The following CENPE variants were observed in gnomAD, a reference collection of about 807,000 sequenced individuals.
The protein encoded by CENPE is centromere-associated protein E.
Under a neutral mutation model 336.1 loss-of-function variants are expected in CENPE, and 145 were observed. That is an observed-to-expected ratio of 0.43 (90% confidence interval 0.38 to 0.50). The LOEUF (loss-of-function observed/expected upper bound fraction) is 0.50. Among genes scored for constraint, CENPE ranks in the 20% least tolerant of loss-of-function variants. CENPE has a pLI of 0.00. For missense variants in CENPE, 2,719 were observed against 3,023.3 expected (o/e 0.90, Z 2.36); for synonymous variants, 1,013 against 984.8 (o/e 1.03, Z -0.54).
intron 16 of CENPE, among the ~76,000 whole-genome samples, chr4:103,164,962 G>C (rs950931769): frequency 2.6e-5 from 4 of 152,052 alleles, no homozygotes; most frequent in Non-Finnish European, 5.9e-5. Context: ...GGTGCATTCA[G>C]GGTAGTATGG....
intron 26 of CENPE, among the ~76,000 whole-genome samples, chr4:103,150,864 A>C (rs1753481729): frequency 6.6e-6 from 1 of 152,214 alleles, no homozygotes; most frequent in Non-Finnish European, 1.5e-5. Flanking sequence ...AAAATGACTA[A>C]TGCATCTCTG....
rs1020567312 is a variant in CENPE at position 103,193,603 on chromosome 4, T to A, written c.693+626A>T. Among the ~76,000 whole-genome samples the A allele has an allele frequency of 4.6e-5, 7 of 152,032 alleles. No individual in the cohort carries two copies. The South Asian group carries it at 1.2e-3, about 27-fold the overall frequency. On this transcript the variant is annotated intron_variant, in intron 8 of 48. Coordinates refer to ENST00000265148, the MANE Select transcript of CENPE (RefSeq NM_001813.3). ...AGTGTGGAAAGAAGGAAGTGAAGGT[T>A]TACTAATGTGGAATATAGGAATGTT...
At chr4:103,119,672 G>T (rs1039920471) in intron 44 of CENPE, among the ~76,000 whole-genome samples, 3 of 152,136 alleles carry the variant, frequency 2.0e-5, no homozygotes, top group African/African-American at 7.2e-5. Flanking sequence ...AGAGGGAGCT[G>T]TAAGTAGTGA....
intron 38 of CENPE, among the ~76,000 whole-genome samples, chr4:103,139,160 GTA>G (rs1752326154): frequency 9.2e-6 from 1 of 108,746 alleles, no homozygotes; most frequent in Non-Finnish European, 2.3e-5. Flanking sequence ...GTTCACTACA[GTA>G]CCTAGAAGAA....
chr4:103,169,384 C>A (rs1755205075), intron 16 of CENPE, among the ~76,000 whole-genome samples: 1 of 151,818 alleles, frequency 6.6e-6, no homozygotes, highest in East Asian at 1.9e-4. Context: ...CAGAAAATTC[C>A]CAAACCTGAA....
chr4:103,109,562 G>A (rs762634708), intron 47 of CENPE, among the ~76,000 whole-genome samples: 3 of 152,022 alleles, frequency 2.0e-5, no homozygotes, highest in African/African-American at 4.8e-5. Context: ...CAGTTCCTCC[G>A]GAGAGAAACC....
At chr4:103,120,017 T>C (rs1750471555) in intron 44 of CENPE, 131 bp downstream of exon 44, 1 of 602,580 alleles carries the variant, frequency 1.7e-6, no homozygotes, top group Admixed American at 3.6e-5. Flanking sequence ...GCTTGAGTAC[T>C]GAACTTCAGA....
At chr4:103,131,244 A>G (rs1285685506) in intron 42 of CENPE, among the ~76,000 whole-genome samples, 1 of 152,214 alleles carries the variant, frequency 6.6e-6, no homozygotes, top group Non-Finnish European at 1.5e-5. Context: ...AACCTTAACA[A>G]TGAGAAAACA....
At chr4:103,142,818 G>A (rs1387047557) in intron 34 of CENPE, among the ~76,000 whole-genome samples, 3 of 151,862 alleles carry the variant, frequency 2.0e-5, no homozygotes, top group South Asian at 4.2e-4. Flanking sequence ...GACCACCCTG[G>A]TCAACACGGT....
At chr4:103,134,560 G>A (rs780030302) in intron 40 of CENPE, among the ~76,000 whole-genome samples, 11 of 148,354 alleles carry the variant, frequency 7.4e-5, no homozygotes, top group Non-Finnish European at 1.6e-4. Flanking sequence ...GTGAACCCGG[G>A]AGGCGGAGCT....
At chr4:103,151,537 A>G (rs921623530) in intron 25 of CENPE, among the ~76,000 whole-genome samples, 160 bp from the exon 26 acceptor site, 7 of 152,226 alleles carry the variant, frequency 4.6e-5, no homozygotes, top group Non-Finnish European at 8.8e-5. Flanking sequence ...TTTTAATAAT[A>G]TAAGATGCCA....
At chr4:103,167,422 T>G (rs1755016023) in intron 16 of CENPE, among the ~76,000 whole-genome samples, 1 of 152,152 alleles carries the variant, frequency 6.6e-6, no homozygotes, top group Non-Finnish European at 1.5e-5. Context: ...TAACTATTTT[T>G]AAAATATAAA....
chr4:103,140,551 A>G, intron 36 of CENPE, 137 bp from the exon 37 acceptor site: 1 of 711,256 alleles, frequency 1.4e-6, no homozygotes, highest in Non-Finnish European at 2.2e-6. Flanking sequence ...CCTAAATTAG[A>G]AGAGTAAAGT....
In CENPE at chr4:103,181,241, T is replaced by C. The variant is rs1756302404; in HGVS notation, c.1083+96A>G. 3.7e-6 allele frequency: 3 copies of C among 821,434 alleles called. No homozygotes were observed. The Admixed American group carries it at 1.1e-4, about 31-fold the overall frequency. The allele number at this position is 821,434 out of a possible 1,614,324, so 50.9% of individuals were successfully genotyped here. A position where few individuals can be genotyped will look rare whatever the true frequency, so the allele number is the denominator to read the frequency against. ...GATTAAAAACCTAAGTTGTAGCAAC[T>C]CAGATATTCAGGAATGAAGAGTCTC... On this transcript the variant is annotated intron_variant, in intron 12 of 48. Coordinates refer to ENST00000265148, the MANE Select transcript of CENPE (RefSeq NM_001813.3).
At chr4:103,137,907 C>T (rs1752201839) in intron 39 of CENPE, among the ~76,000 whole-genome samples, 1 of 152,160 alleles carries the variant, frequency 6.6e-6, no homozygotes, top group African/African-American at 2.4e-5. Flanking sequence ...CTCCACCTCA[C>T]TTAATAAAAC....
At chr4:103,183,035 A>C (rs200208229) in intron 10 of CENPE, 144 bp from the exon 11 acceptor site, 2 of 774,106 alleles carry the variant, frequency 2.6e-6, no homozygotes, top group Non-Finnish European at 3.9e-6. Flanking sequence ...AAACTACTAA[A>C]AAATATTTAA....
chr4:103,181,688 C>T, intron 11 of CENPE: 1 of 304,120 alleles, frequency 3.3e-6, no homozygotes, highest in Non-Finnish European at 6.0e-6. Flanking sequence ...AACTTAAAAA[C>T]ATCAGCTTAT....
rs746458871 is a variant in CENPE at position 103,145,218 on chromosome 4, T to C, written c.4689A>G (p.Ala1563=). ...FKEHRKAKDS[A]LQSIESKMLE... ...GCATCTTACTTTCTATACTTTGTAG[T>C]GCTGAATCCTTGGCTTTGCGATGCT... The change falls in exon 32 of 49, where the codon GCA becomes GCG. Residue 1563 remains alanine (A), a synonymous_variant. Transcript: ENST00000265148. 8 of 1,613,742 alleles carry C rather than the reference T, an allele frequency of 5.0e-6. No individual in the cohort carries two copies. The African/African-American group carries it at 1.1e-4, about 22-fold the overall frequency.
At chr4:103,136,100 A>C (rs1752045619) in intron 40 of CENPE, 41 bp downstream of exon 40, 7 of 1,504,196 alleles carry the variant, frequency 4.7e-6, no homozygotes, top group African/African-American at 4.2e-5. Context: ...TGATGTTTAT[A>C]ACTGAAATAT....
Sources: gnomAD v4.1 joint callset for allele counts (sites outside exome capture counted in the v4.1 genomes callset) on GRCh38, gnomAD v4.1.1 for gene constraint, MANE v1.5 for transcripts, NCBI Gene and HGNC (gene_info 2026-07-23, HGNC 2026-07-21) for gene names.